The following LRRC4C variants were observed in gnomAD, a reference collection of about 807,000 sequenced individuals.
LRRC4C encodes leucine-rich repeat-containing protein 4C.
LRRC4C carries 5 observed loss-of-function variants against 33.6 expected under a neutral mutation model. The ratio of observed to expected loss-of-function variants is 0.15; its 90% confidence interval spans 0.08 to 0.31. The LOEUF (loss-of-function observed/expected upper bound fraction) is 0.31. Ranked by LOEUF, LRRC4C falls within the 10% of genes least tolerant of loss-of-function variation. The pLI, the probability that LRRC4C is intolerant of heterozygous loss-of-function variation, is 1.00. For synonymous variants in LRRC4C, 329 were observed against 302.0 expected (o/e 1.09, Z -0.93); for missense variants, 560 against 796.7 (o/e 0.70, Z 3.58).
intron 1 of LRRC4C, among the ~76,000 whole-genome samples, chr11:41,135,612 G>C (rs1465254336): frequency 6.6e-6 from 1 of 151,972 alleles, no homozygotes; most frequent in African/African-American, 2.4e-5. Context: ...TGTAAAATTG[G>C]GATAGTGTTA....
intron 1 of LRRC4C, among the ~76,000 whole-genome samples, chr11:41,145,003 A>G (rs1035940108): frequency 1.3e-5 from 2 of 152,154 alleles, no homozygotes; most frequent in African/African-American, 4.8e-5. Flanking sequence ...TAGAGTCACA[A>G]TTTCTTCTTT....
chr11:41,113,290 A>C (rs2135715153), intron 1 of LRRC4C, among the ~76,000 whole-genome samples: 1 of 152,006 alleles, frequency 6.6e-6, no homozygotes, highest in East Asian at 1.9e-4. Flanking sequence ...AAAGCCCCCT[A>C]ATAAATATGA....
chr11:40,430,968 G>A, intron 3 of LRRC4C, among the ~76,000 whole-genome samples: 1 of 104,376 alleles, frequency 9.6e-6, no homozygotes, highest in African/African-American at 3.6e-5. Context: ...GAGGGGGGAG[G>A]GATAGCATTG....
chr11:40,448,911 T>C (rs1242642847), intron 3 of LRRC4C, among the ~76,000 whole-genome samples: 5 of 152,216 alleles, frequency 3.3e-5, no homozygotes, highest in Admixed American at 2.6e-4. Flanking sequence ...TTAGCATCTG[T>C]TGTTTCCTGA....
At chr11:41,051,837 C>T (rs943843673) in intron 1 of LRRC4C, among the ~76,000 whole-genome samples, 1 of 152,226 alleles carries the variant, frequency 6.6e-6, no homozygotes, top group Non-Finnish European at 1.5e-5. Flanking sequence ...GCCAATAGCA[C>T]AGCATGCTCT....
chr11:40,567,230 G>A (rs1957800719), intron 3 of LRRC4C, among the ~76,000 whole-genome samples: 1 of 152,080 alleles, frequency 6.6e-6, no homozygotes. Context: ...ATATAAAATG[G>A]CTAACCTTCC....
chr11:40,353,411 C>T (rs921766196), intron 3 of LRRC4C, among the ~76,000 whole-genome samples: 16 of 151,970 alleles, frequency 1.1e-4, no homozygotes, highest in African/African-American at 3.6e-4. Context: ...CCAGAATTTC[C>T]GTTTGATTTT....
intron 5 of LRRC4C, among the ~76,000 whole-genome samples, chr11:40,213,037 T>C (rs1490835018): frequency 1.3e-5 from 2 of 152,142 alleles, no homozygotes; most frequent in African/African-American, 4.8e-5. Flanking sequence ...CAGCACCACC[T>C]GGAAGTACTT....
chr11:41,451,217 A>G (rs538841415), intron 1 of LRRC4C, among the ~76,000 whole-genome samples: 1 of 152,306 alleles, frequency 6.6e-6, no homozygotes, highest in South Asian at 2.1e-4. Flanking sequence ...GTTACCCACA[A>G]GAACATTCAT....
At chr11:40,647,921 C>T (rs192065415) in intron 3 of LRRC4C, among the ~76,000 whole-genome samples, 2 of 152,104 alleles carry the variant, frequency 1.3e-5, no homozygotes. Flanking sequence ...AACTTTTTCC[C>T]CCTGCTTTCT....
intron 5 of LRRC4C, among the ~76,000 whole-genome samples, chr11:40,174,014 T>C (rs4076390): frequency 0.25 from 38,129 of 152,060 alleles, 5,857 homozygotes; most frequent in South Asian, 0.36. Flanking sequence ...TTGTATAAGT[T>C]ACCTTCTTTT....
intron 2 of LRRC4C, among the ~76,000 whole-genome samples, chr11:40,739,914 G>T (rs1329196718): frequency 1.3e-5 from 2 of 151,644 alleles, no homozygotes; most frequent in Admixed American, 1.3e-4. Context: ...ATGTATGTGT[G>T]TGTGTATATA....
intron 1 of LRRC4C, among the ~76,000 whole-genome samples, chr11:41,270,070 CTA>C (rs1276765496): frequency 1.3e-5 from 2 of 152,034 alleles, no homozygotes; most frequent in Non-Finnish European, 2.9e-5. Context: ...TTAGTAATAT[CTA>C]TTTTTACAGA....
intron 1 of LRRC4C, among the ~76,000 whole-genome samples, chr11:40,998,415 T>TA (rs1854131806): frequency 1.3e-5 from 2 of 152,056 alleles, no homozygotes; most frequent in Non-Finnish European, 2.9e-5. Context: ...TGGGATCTAA[T>TA]AAAAAATCTC....
chr11:40,489,720 T>C (rs1417540863), intron 3 of LRRC4C, among the ~76,000 whole-genome samples: 2 of 152,266 alleles, frequency 1.3e-5, no homozygotes, highest in Non-Finnish European at 2.9e-5. Context: ...CTTTCCTTTT[T>C]TCACTTCCAG....
intron 1 of LRRC4C, among the ~76,000 whole-genome samples, chr11:41,175,258 C>T (rs908018376): frequency 1.3e-5 from 2 of 152,126 alleles, no homozygotes; most frequent in African/African-American, 4.8e-5. Context: ...TTTTTCACAG[C>T]AACCAATATA....
At chr11:40,472,137 G>T (rs1237916329) in intron 3 of LRRC4C, among the ~76,000 whole-genome samples, 1 of 151,884 alleles carries the variant, frequency 6.6e-6, no homozygotes, top group African/African-American at 2.4e-5. Context: ...AAAATTAGCT[G>T]GTCGTGGTTG....
chr11:41,193,114 G>A (rs1946033031), intron 1 of LRRC4C, among the ~76,000 whole-genome samples: 1 of 152,086 alleles, frequency 6.6e-6, no homozygotes, highest in African/African-American at 2.4e-5. Context: ...GACTTGAAGA[G>A]AAAATATAAA....
chr11:40,814,609 G>T (rs974708631), intron 2 of LRRC4C, among the ~76,000 whole-genome samples: 1 of 151,530 alleles, frequency 6.6e-6, no homozygotes, highest in Admixed American at 6.6e-5. Context: ...CAGAAAATGG[G>T]TTTTTTCTTT....
Sources: allele counts gnomAD v4.1 joint callset (sites outside exome capture counted in the v4.1 genomes callset), GRCh38; gene constraint gnomAD v4.1.1; transcripts MANE v1.5; gene names NCBI Gene and HGNC (gene_info 2026-07-23, HGNC 2026-07-21).